Variants in DMGDH observed in about 807,000 individuals in gnomAD.
The protein encoded by DMGDH is dimethylglycine dehydrogenase, mitochondrial.
DMGDH carries 76 observed loss-of-function variants against 95.2 expected under a neutral mutation model. The ratio of observed to expected loss-of-function variants is 0.80; its 90% CI spans 0.66 to 0.97. DMGDH has a LOEUF of 0.97. DMGDH is among the 50% of genes least tolerant of loss of function. DMGDH has a pLI of 0.00. For missense variants in DMGDH, 987 were observed against 1,055.0 expected (o/e 0.94, Z 0.89); for synonymous variants, 345 against 377.6 (o/e 0.91, Z 1.00).
At position 79,044,440 on chromosome 5, in the gene DMGDH, T is replaced by C. The variant is rs1435192440; in HGVS notation, c.858A>G (p.Arg286=). 6.2e-7 allele frequency: 1 copy of C among 1,614,210 alleles called. No individual in the cohort carries two copies. The highest frequency in any genetic ancestry group is 8.5e-7 in the Non-Finnish European group (1 of 1,180,034). ...STISEVKALK[R]ELPVLRDLEG... ...CCAGGTCACGGAGCACAGGCAGTTCTCGTTTCAAAGCTTTCACTTCAGATA... is the reference window on the plus strand; with the variant it reads ...CCAGGTCACGGAGCACAGGCAGTTCCCGTTTCAAAGCTTTCACTTCAGATA... The change falls in exon 6 of 16, where the codon CGA becomes CGG. Residue 286 remains arginine, a synonymous_variant. Transcript: ENST00000255189.
chr5:79,017,685 T>C (rs759425205), intron 14 of DMGDH, among the ~76,000 whole-genome samples: 17 of 152,244 alleles, frequency 1.1e-4, no homozygotes, highest in Non-Finnish European at 1.8e-4. Flanking sequence ...CCTATGTTCA[T>C]ACAAATACTT....
Position 79,033,306 on chromosome 5 carries a change from A to G in DMGDH, c.1296T>C (p.Tyr432=), listed in dbSNP as rs1417309836. The G allele has an allele frequency of 7.4e-6, 12 of 1,614,062 alleles. No individual in the cohort carries two copies. The highest frequency in any genetic ancestry group is 5.0e-5 in the Admixed American group (3 of 60,004). ...TGTACTGGGTTGTTGTCCATTTGCC[A>G]TAGCGATTAGGATCCAATTCTATCA... The part of the protein sequence containing the change: ...FDLIELDPNR[Y]GKWTTTQYTE... Residue 432 remains tyrosine (Y), a synonymous_variant, in exon 8 of 16, where the codon TAT becomes TAC. Coordinates refer to ENST00000255189, the MANE Select transcript of DMGDH (RefSeq NM_013391.3).
At chr5:79,043,509 C>T (rs1016679681) in intron 6 of DMGDH, among the ~76,000 whole-genome samples, 1 of 152,178 alleles carries the variant, frequency 6.6e-6, no homozygotes, top group Non-Finnish European at 1.5e-5. Context: ...TTTGGGCCTA[C>T]TCTTTGAGGA....
rs576459013 is a variant in DMGDH, at chr5:79,046,181, G to C, written c.746-1629C>G. On this transcript the variant is annotated intron_variant, in intron 5 of 15. Transcript: ENST00000255189. The stretch of plus-strand genomic sequence containing the variant: ...GGCTCACTGCAACATCTGCCTCCAG[G>C]GTTCAAGCCATTCTCCTGTCTCAGC... Among the ~76,000 whole-genome samples, 15 of 152,208 alleles carry C rather than the reference G, an allele frequency of 9.9e-5. No homozygotes were observed. In the South Asian group the frequency reaches 2.9e-3, roughly 29 times the overall value.
intron 13 of DMGDH, 148 bp downstream of exon 13, chr5:79,026,276 A>C: frequency 1.0e-6 from 1 of 999,902 alleles, no homozygotes; most frequent in Middle Eastern, 2.3e-4. Context: ...TAAGGAGAAA[A>C]ACCTCTTCCC....
At chr5:79,058,731 T>C (rs945177958) in intron 2 of DMGDH, among the ~76,000 whole-genome samples, 1 of 152,224 alleles carries the variant, frequency 6.6e-6, no homozygotes. Context: ...AATTTGTAAA[T>C]CTTTCTTGAG....
chr5:79,007,890 A>G (rs1489178793), intron 14 of DMGDH, among the ~76,000 whole-genome samples: 1 of 152,230 alleles, frequency 6.6e-6, no homozygotes, highest in Non-Finnish European at 1.5e-5. Context: ...TTCAGAGAAC[A>G]TGATCTTGGG....
chr5:79,016,691 C>T lies in DMGDH; in HGVS notation c.2250+7580G>A, dbSNP rs1365365615. On this transcript the variant is annotated intron_variant, in intron 14 of 15. Transcript: ENST00000255189. ...AAAGTCTAGCAGGTTTTTTGGTACA[C>T]ATTGACAAGCTGATTCTAAAATTAA... is the stretch of plus-strand genomic sequence containing the variant. Among the ~76,000 whole-genome samples the T allele has an allele frequency of 7.9e-5, 12 of 152,232 alleles. No homozygotes were observed. In the East Asian group the frequency reaches 2.3e-3, roughly 29 times the overall value.
At chr5:79,039,277 T>C (rs1458189756) in intron 7 of DMGDH, among the ~76,000 whole-genome samples, 1 of 152,148 alleles carries the variant, frequency 6.6e-6, no homozygotes, top group African/African-American at 2.4e-5. Context: ...ATTGTGGCAC[T>C]ATTCACAATA....
Position 79,069,652 on chromosome 5 carries a change from GC to G in DMGDH, c.-33del. ...GCCGAGGCCGAGGGCGCAGGCGCCTGCTCCGAGGCCAGCGGGCAGCCTGAGG... is the reference window on the plus strand; with the variant it reads ...GCCGAGGCCGAGGGCGCAGGCGCCTGTCCGAGGCCAGCGGGCAGCCTGAGG... On this transcript the variant is annotated 5_prime_UTR_variant, in exon 1 of 16. Transcript: ENST00000255189. 7.6e-7 allele frequency: 1 copy of G among 1,315,420 alleles called. No homozygotes were observed. The highest frequency in any genetic ancestry group is 9.6e-7 in the Non-Finnish European group (1 of 1,036,374). 81.5% of individuals were successfully genotyped at this position (1,315,420 alleles called of 1,614,324 possible).
chr5:78,999,302 C>T (rs1753412736), intron 15 of DMGDH, among the ~76,000 whole-genome samples: 1 of 152,174 alleles, frequency 6.6e-6, no homozygotes, highest in Non-Finnish European at 1.5e-5. Flanking sequence ...AACCCCAAAT[C>T]AGAAGCTCTC....
intron 13 of DMGDH, 107 bp downstream of exon 13, chr5:79,026,317 A>G (rs1338463794): frequency 3.6e-6 from 5 of 1,403,602 alleles, no homozygotes; most frequent in Admixed American, 1.7e-5. Context: ...AATGATATGT[A>G]ATTTCTCTTA....
At chr5:79,048,323 C>G (rs1027000301) in intron 5 of DMGDH, among the ~76,000 whole-genome samples, 1 of 152,140 alleles carries the variant, frequency 6.6e-6, no homozygotes, top group Admixed American at 6.5e-5. Flanking sequence ...CCACAGAGTG[C>G]CACTGCCATG....
chr5:79,055,965 G>T, intron 2 of DMGDH, 57 bp from the exon 3 acceptor site: 2 of 1,154,600 alleles, frequency 1.7e-6, no homozygotes, highest in Non-Finnish European at 2.6e-6. Flanking sequence ...TCAAAATGTT[G>T]ACAGTTTATC....
At chr5:79,039,985 G>A (rs1415952819) in intron 7 of DMGDH, among the ~76,000 whole-genome samples, 1 of 150,956 alleles carries the variant, frequency 6.6e-6, no homozygotes, top group Non-Finnish European at 1.5e-5. Context: ...CTTCCATTTG[G>A]CTACTCCTGA....
intron 14 of DMGDH, among the ~76,000 whole-genome samples, chr5:79,022,003 T>G (rs543922314): frequency 2.2e-4 from 33 of 152,346 alleles, no homozygotes; most frequent in Admixed American, 5.2e-4. Context: ...CCCATCTAGC[T>G]CTGATACAGT....
intron 15 of DMGDH, among the ~76,000 whole-genome samples, chr5:79,004,712 T>C (rs1753514497): frequency 6.6e-6 from 1 of 152,266 alleles, no homozygotes; most frequent in African/African-American, 2.4e-5. Flanking sequence ...ACTCTGGTTT[T>C]ACTGAACACA....
At chr5:79,031,331 C>T (rs529014193) in intron 9 of DMGDH, among the ~76,000 whole-genome samples, 51 of 152,276 alleles carry the variant, frequency 3.3e-4, no homozygotes, top group South Asian at 3.1e-3. Context: ...CAACTCTAGA[C>T]GCATATTAGA....
At chr5:79,009,574 G>A (rs758555536) in intron 14 of DMGDH, among the ~76,000 whole-genome samples, 1 of 151,932 alleles carries the variant, frequency 6.6e-6, no homozygotes, top group South Asian at 2.1e-4. Flanking sequence ...TGGCCAGGCT[G>A]GTCTTGAACT....
Sources: gnomAD v4.1 joint callset for allele counts (sites outside exome capture counted in the v4.1 genomes callset) on GRCh38, gnomAD v4.1.1 for gene constraint, MANE v1.5 for transcripts, NCBI Gene and HGNC (gene_info 2026-07-23, HGNC 2026-07-21) for gene names.